MTPAP: variants seen among roughly 807,000 people sequenced by gnomAD.
The protein encoded by MTPAP is mitochondrial poly(A) polymerase, also known as poly(A) RNA polymerase, mitochondrial.
In MTPAP, 23 loss-of-function variants were observed where a neutral mutation model predicts 48.7. That is an observed-to-expected ratio of 0.47 (90% confidence interval 0.34 to 0.67). The LOEUF (loss-of-function observed/expected upper bound fraction) is 0.67. Among genes scored for constraint, MTPAP ranks in the 30% least tolerant of loss-of-function variants. MTPAP has a pLI of 0.01. For missense variants in MTPAP, 614 were observed against 694.3 expected, an observed-to-expected ratio of 0.88 and a Z score of 1.30; for synonymous variants, 257 against 254.1, an observed-to-expected ratio of 1.01 and a Z score of -0.11.
At chr10:30,343,082 A>C (rs1418457955) in intron 1 of MTPAP, among the ~76,000 whole-genome samples, 1 of 152,194 alleles carries the variant, frequency 6.6e-6, no homozygotes, top group Non-Finnish European at 1.5e-5. Context: ...CCAGTTAAGT[A>C]GTTTAAGGTG....
At chr10:30,330,810 T>C (rs781511850) in intron 4 of MTPAP, among the ~76,000 whole-genome samples, 6 of 152,224 alleles carry the variant, frequency 3.9e-5, no homozygotes, top group Non-Finnish European at 7.3e-5. Flanking sequence ...CAAGAGCCGA[T>C]GCTCAATTCT....
At chr10:30,348,981 G>A in intron 1 of MTPAP, 138 bp downstream of exon 1, 17 of 1,279,294 alleles carry the variant, frequency 1.3e-5, no homozygotes, top group Middle Eastern at 2.6e-4. Context: ...AGAGATCAGA[G>A]GAGAGGAGAG....
At chr10:30,322,130 A>G (rs1840732829) in intron 6 of MTPAP, among the ~76,000 whole-genome samples, 1 of 152,218 alleles carries the variant, frequency 6.6e-6, no homozygotes, top group African/African-American at 2.4e-5. Flanking sequence ...GACTTGGTCA[A>G]CTAGGGGAGA....
At chr10:30,348,268 T>C (rs1834894200) in intron 1 of MTPAP, among the ~76,000 whole-genome samples, 1 of 152,232 alleles carries the variant, frequency 6.6e-6, no homozygotes, top group African/African-American at 2.4e-5. Flanking sequence ...TACAGTCTGA[T>C]AAAGACACCA....
Position 30,313,625 on chromosome 10 carries a change from A to C in MTPAP, c.1733T>G (p.Ile578Ser), listed in dbSNP as rs1840625540. The change falls in exon 9 of 9, where the codon ATT (isoleucine) becomes AGT (serine). Residue 578 changes from isoleucine (I) to serine (S), a missense_variant. Ile to Ser is a moderately radical substitution (Grantham distance 142). Transcript: ENST00000263063. ...NFTKTSGKRT[I>S]STQT Reference sequence around the variant, plus strand: ...TAGCAGCCATCATGTCTGAGTACTAATTGTTCTCTTCCCACTGGTTTTTGT... The same window carrying C: ...TAGCAGCCATCATGTCTGAGTACTACTTGTTCTCTTCCCACTGGTTTTTGT... 1 of 1,614,088 alleles carries C rather than the reference A, an allele frequency of 6.2e-7. No homozygotes were observed. Among genetic ancestry groups the C allele is most frequent in the South Asian group, 1.1e-5 (1 of 91,094 alleles).
intron 1 of MTPAP, 48 bp downstream of exon 1, chr10:30,349,071 T>G: frequency 6.2e-7 from 1 of 1,613,040 alleles, no homozygotes; most frequent in Non-Finnish European, 8.5e-7. Context: ...GATCCCAGAC[T>G]CCTCGCCCGC....
intron 5 of MTPAP, among the ~76,000 whole-genome samples, chr10:30,323,400 C>A (rs1265404593): frequency 7.7e-6 from 1 of 129,658 alleles, no homozygotes; most frequent in African/African-American, 2.9e-5. Flanking sequence ...TGCAGTCAGC[C>A]GAGAAAGCGT....
chr10:30,327,385 G>C (rs1834610257), intron 4 of MTPAP, among the ~76,000 whole-genome samples: 1 of 144,832 alleles, frequency 6.9e-6, no homozygotes, highest in African/African-American at 2.6e-5. Flanking sequence ...TATAATCCCA[G>C]CTACCCGGGA....
At chr10:30,338,238 C>A (rs1834752037) in intron 3 of MTPAP, among the ~76,000 whole-genome samples, 1 of 152,122 alleles carries the variant, frequency 6.6e-6, no homozygotes, top group Non-Finnish European at 1.5e-5. Flanking sequence ...CCAGCCTGGG[C>A]AACAGAGCAA....
intron 6 of MTPAP, among the ~76,000 whole-genome samples, chr10:30,318,616 A>C (rs1040997439): frequency 2.0e-5 from 3 of 152,252 alleles, no homozygotes; most frequent in Non-Finnish European, 4.4e-5. Flanking sequence ...AAAATGAGAC[A>C]TATGAGAGAA....
At chr10:30,347,294 T>A (rs1176537121) in intron 1 of MTPAP, among the ~76,000 whole-genome samples, 1 of 152,240 alleles carries the variant, frequency 6.6e-6, no homozygotes, top group Non-Finnish European at 1.5e-5. Flanking sequence ...ATTGACTGAT[T>A]TATGCAACAA....
At chr10:30,321,243 T>C (rs1003028195) in intron 6 of MTPAP, among the ~76,000 whole-genome samples, 2 of 121,430 alleles carry the variant, frequency 1.6e-5, no homozygotes, top group African/African-American at 7.1e-5. Flanking sequence ...TCTAGCTTTA[T>C]TTTATTTTAT....
intron 4 of MTPAP, among the ~76,000 whole-genome samples, chr10:30,328,654 G>C (rs1486406541): frequency 6.6e-6 from 1 of 152,066 alleles, no homozygotes; most frequent in African/African-American, 2.4e-5. Context: ...CAGCTGAATG[G>C]ACTGGGCAAA....
At chr10:30,336,376 G>A (rs1042296492) in intron 4 of MTPAP, among the ~76,000 whole-genome samples, 55 of 152,156 alleles carry the variant, frequency 3.6e-4, no homozygotes, top group African/African-American at 1.2e-3. Context: ...CCTATATGTA[G>A]CTAATATAGC....
intron 4 of MTPAP, among the ~76,000 whole-genome samples, chr10:30,329,759 T>G (rs993166920): frequency 4.6e-5 from 7 of 152,042 alleles, no homozygotes; most frequent in African/African-American, 1.7e-4. Context: ...TTTGGCACTT[T>G]CACTGAAAGA....
chr10:30,313,847 T>G lies in MTPAP; in HGVS notation c.1511A>C (p.Glu504Ala). The G allele has an allele frequency of 6.2e-7, 1 of 1,614,210 alleles. No homozygotes were observed. The highest frequency in any genetic ancestry group is 8.5e-7 in the Non-Finnish European group (1 of 1,180,030). ...TTCCTGTTGTAAAATCCAGGCACTT[T>G]CTCGGGCCAAATCTACAAATTTTTG... ...QLQKFVDLAR[E>A]SAWILQQEDT... The change falls in exon 9 of 9, where the codon GAA (glutamate) becomes GCA (alanine). Residue 504 changes from glutamate to alanine, a missense_variant. Coordinates refer to ENST00000263063, the MANE Select transcript of MTPAP (RefSeq NM_018109.4).
chr10:30,334,518 G>C (rs186781972), intron 4 of MTPAP, among the ~76,000 whole-genome samples: 2 of 152,064 alleles, frequency 1.3e-5, no homozygotes, highest in East Asian at 3.9e-4. Flanking sequence ...AAAATTAGCC[G>C]GGCGTGGTGG....
chr10:30,335,642 A>C (rs1256539577), intron 4 of MTPAP, among the ~76,000 whole-genome samples: 1 of 152,204 alleles, frequency 6.6e-6, no homozygotes, highest in Non-Finnish European at 1.5e-5. Context: ...AATAATATCC[A>C]AACTTGAAAG....
chr10:30,341,562 A>C lies in MTPAP; in HGVS notation c.236T>G (p.Leu79Ter). The C allele has an allele frequency of 6.2e-7, 1 of 1,614,184 alleles. No homozygotes were observed. Residue 79 changes from leucine to a stop codon, truncating the protein, a stop_gained, in exon 2 of 9, where the codon TTA (leucine) becomes TGA (stop). Transcript: ENST00000263063. LOFTEE classifies it high-confidence loss of function. ...ERREQAQRTVLIHCPEKISEN... is the reference protein window; with the variant it reads ...ERREQAQRTV ...ACTGATTTTCTCTGGGCAATGTATT[A>C]AAACAGTCCGCTGTGCCTGTTCTCG...
Sources: gnomAD v4.1 joint callset for allele counts (sites outside exome capture counted in the v4.1 genomes callset) on GRCh38, gnomAD v4.1.1 for gene constraint, MANE v1.5 for transcripts, NCBI Gene and HGNC (gene_info 2026-07-23, HGNC 2026-07-21) for gene names.